CDCA8: variants seen among roughly 807,000 people sequenced by gnomAD.
The protein encoded by CDCA8 is borealin.
A neutral mutation model predicts 40.0 loss-of-function variants in CDCA8; 25 were observed. That is an observed-to-expected ratio of 0.63 (90% confidence interval 0.46 to 0.87). The LOEUF (loss-of-function observed/expected upper bound fraction) is 0.87, where lower values mean the gene tolerates loss of function less well. CDCA8 is among the 40% of genes least tolerant of loss of function. CDCA8 has a pLI of 0.00. For missense variants in CDCA8, 280 were observed against 348.4 expected, an observed-to-expected ratio of 0.80 and a Z score of 1.56; for synonymous variants, 111 against 126.5, an observed-to-expected ratio of 0.88 and a Z score of 0.82.
In CDCA8 at chr1:37,696,600, A is replaced by C. The variant is rs1207255482; in HGVS notation, c.264+650A>C. Among the ~76,000 whole-genome samples the C allele has an allele frequency of 6.6e-6, 1 of 152,248 alleles. No homozygotes were observed. On this transcript the variant is annotated intron_variant, in intron 3 of 9. Transcript: ENST00000373055. The surrounding 1 kb of genome is among the most constrained non-coding windows in gnomAD (Gnocchi z 5.0). ...ATAGAACATTGCTACTCTTGCAGAAAGTTTTATGAGACAGCATTGGGAACT... is the reference window on the plus strand; with the variant it reads ...ATAGAACATTGCTACTCTTGCAGAACGTTTTATGAGACAGCATTGGGAACT...
At position 37,692,784 on chromosome 1, in the gene CDCA8, G is replaced by T. The variant is rs532039712; in HGVS notation, c.94G>T (p.Val32Leu). Reference sequence around the variant, plus strand: ...CTTTCTGAAAGACTTCGACCGTGAAGGTAAGGGGCCAGGCCGTCGCGGCCT... The same window carrying T: ...CTTTCTGAAAGACTTCGACCGTGAATGTAAGGGGCCAGGCCGTCGCGGCCT... ...ASFLKDFDREVEIRIKQIESD... is the reference protein window; with the variant it reads ...ASFLKDFDRELEIRIKQIESD... The change falls in exon 1 of 10, where the codon GTG (valine) becomes TTG (leucine). Residue 32 changes from valine (V) to leucine (L), a missense_variant and splice_region_variant. Transcript: ENST00000373055. 6.2e-7 allele frequency: 1 copy of T among 1,613,570 alleles called. No homozygotes were observed. The highest frequency in any genetic ancestry group is 2.2e-5 in the East Asian group (1 of 44,864).
chr1:37,707,928 C>A (rs922948641), intron 9 of CDCA8, among the ~76,000 whole-genome samples: 15 of 152,324 alleles, frequency 9.8e-5, no homozygotes, highest in Admixed American at 9.8e-4. Context: ...GTGGATGAAG[C>A]ACTTAGTGTA....
intron 6 of CDCA8, among the ~76,000 whole-genome samples, chr1:37,702,875 C>A (rs947452523): frequency 1.3e-5 from 2 of 151,700 alleles, no homozygotes; most frequent in African/African-American, 4.8e-5. Flanking sequence ...TCGCTTGAAC[C>A]CAGGAGGTGG....
Position 37,709,315 on chromosome 1 carries a change from T to C in CDCA8, c.*949T>C, listed in dbSNP as rs7822. On this transcript the variant is annotated 3_prime_UTR_variant, in exon 10 of 10. Transcript: ENST00000373055. ...CTTATGGGGTTCATGGGAACAGGGGTGGGTGTGACTTGCTTGGTGGCCTCA... is the reference window on the plus strand; with the variant it reads ...CTTATGGGGTTCATGGGAACAGGGGCGGGTGTGACTTGCTTGGTGGCCTCA... 126,131 of 152,242 alleles carry C rather than the reference T, an allele frequency of 0.83. 52,829 individuals are homozygous for C. Among genetic ancestry groups the C allele is most frequent in the East Asian group, 0.96 (4,967 of 5,168 alleles). 9.4% of individuals were successfully genotyped at this position (152,242 alleles called of 1,614,324 possible).
chr1:37,705,319 G>T, intron 7 of CDCA8, 122 bp from the exon 8 acceptor site: 3 of 775,748 alleles, frequency 3.9e-6, no homozygotes, highest in South Asian at 2.1e-5. Flanking sequence ...TTTAGAACGT[G>T]CTTTCTTAGG....
At chr1:37,706,549 T>C (rs1569582849) in intron 8 of CDCA8, among the ~76,000 whole-genome samples, 1 of 152,016 alleles carries the variant, frequency 6.6e-6, no homozygotes, top group South Asian at 2.1e-4. Context: ...ATAATAGAGA[T>C]GTTAAAGGGT....
intron 7 of CDCA8, 121 bp from the exon 8 acceptor site, chr1:37,705,320 C>T: frequency 5.0e-6 from 4 of 805,228 alleles, no homozygotes; most frequent in Non-Finnish European, 7.9e-6. Flanking sequence ...TTAGAACGTG[C>T]TTTCTTAGGA....
In CDCA8 at chr1:37,692,615, C is replaced by A. The variant is rs1204307823; in HGVS notation, c.-76C>A. On this transcript the variant is annotated 5_prime_UTR_variant, in exon 1 of 10. Coordinates refer to ENST00000373055, the MANE Select transcript of CDCA8 (RefSeq NM_001256875.2). Reference sequence around the variant, plus strand: ...GCGACTTCTTCGGGTGGTCCCCGTCCGCCCTCCTCGTCCCTACCCAGTTTC... The same window carrying A: ...GCGACTTCTTCGGGTGGTCCCCGTCAGCCCTCCTCGTCCCTACCCAGTTTC... 8.3e-7 allele frequency: 1 copy of A among 1,197,680 alleles called. No homozygotes were observed. The highest frequency in any genetic ancestry group is 1.2e-6 in the Non-Finnish European group (1 of 822,160). The allele number at this position is 1,197,680 out of a possible 1,614,324, so 74.2% of individuals were successfully genotyped here. A position where few individuals can be genotyped will look rare whatever the true frequency, so the allele number is the denominator to read the frequency against.
In CDCA8 at chr1:37,708,360, C is replaced by T; in HGVS notation, c.837C>T (p.His279=). Reference sequence around the variant, plus strand: ...AAATCTGCAGCAGCATACGGACCCACAAATGAGACACCAAAGTTGACAGGA... The same window carrying T: ...AAATCTGCAGCAGCATACGGACCCATAAATGAGACACCAAAGTTGACAGGA... The part of the protein sequence containing the change: ...LAQICSSIRT[H]K Residue 279 remains histidine (H), a synonymous_variant, in exon 10 of 10, where the codon CAC becomes CAT. Coordinates refer to ENST00000373055, the MANE Select transcript of CDCA8 (RefSeq NM_001256875.2). 6.2e-7 allele frequency: 1 copy of T among 1,614,112 alleles called. No individual in the cohort carries two copies. The highest frequency in any genetic ancestry group is 2.2e-5 in the East Asian group (1 of 44,870).
chr1:37,698,957 C>T lies in CDCA8; in HGVS notation c.317C>T (p.Thr106Ile). The T allele has an allele frequency of 1.9e-6, 3 of 1,613,166 alleles. No individual in the cohort carries two copies. The highest frequency in any genetic ancestry group is 2.5e-6 in the Non-Finnish European group (3 of 1,179,102). The change falls in exon 4 of 10, where the codon ACA (threonine) becomes ATA (isoleucine). Residue 106 changes from threonine (T) to isoleucine (I), a missense_variant. Transcript: ENST00000373055. ...INKLTAEAIQ[T>I]PLKSAKTRKV... ...AAACTAACAGCAGAAGCTATTCAGA[C>T]ACCCCTGAAATCTGCCAAAAGTGAG...
Position 37,708,274 on chromosome 1 carries a change from C to A in CDCA8, c.799-48C>A, listed in dbSNP as rs199881862. 36 of 1,588,052 alleles carry A rather than the reference C, an allele frequency of 2.3e-5. No homozygotes were observed. The East Asian group carries it at 7.4e-4, about 33-fold the overall frequency. ...TGACTGTGGGAGGCCAAGGGGCAAG[C>A]CTGCCAAGTGACATCTTCTACAATG... On this transcript the variant is annotated intron_variant, in intron 9 of 9. Transcript: ENST00000373055.
chr1:37,697,190 G>A (rs1645532600), intron 3 of CDCA8, among the ~76,000 whole-genome samples: 1 of 152,122 alleles, frequency 6.6e-6, no homozygotes, highest in Non-Finnish European at 1.5e-5. Flanking sequence ...AAGTGTGTTG[G>A]GGCTCCCAAG....
intron 2 of CDCA8, among the ~76,000 whole-genome samples, chr1:37,694,375 A>G (rs2148285463): frequency 1.3e-5 from 2 of 152,338 alleles, no homozygotes; most frequent in Middle Eastern, 6.8e-3. Context: ...TTATTTATTA[A>G]GCCATTCATT....
At position 37,698,918 on chromosome 1, in the gene CDCA8, T is replaced by A; in HGVS notation, c.278T>A (p.Ile93Asn). Residue 93 changes from isoleucine to asparagine, a missense_variant, in exon 4 of 10, where the codon ATC (isoleucine) becomes AAC (asparagine). Physicochemically the swap from Ile to Asn is moderately radical, Grantham distance 149 (BLOSUM62 -3). Coordinates refer to ENST00000373055, the MANE Select transcript of CDCA8 (RefSeq NM_001256875.2). ...LEEAATADLD[I>N]TEINKLTAEA... is the part of the protein sequence containing the mutation. ...TGTTTGTCATAGGCTGACCTGGATATCACCGAAATAAACAAACTAACAGCA... is the reference window on the plus strand; with the variant it reads ...TGTTTGTCATAGGCTGACCTGGATAACACCGAAATAAACAAACTAACAGCA... 1 of 1,613,404 alleles carries A rather than the reference T, an allele frequency of 6.2e-7. No homozygotes were observed. Among genetic ancestry groups the A allele is most frequent in the Non-Finnish European group, 8.5e-7 (1 of 1,179,300 alleles).
chr1:37,703,270 T>C lies in CDCA8; in HGVS notation c.507T>C (p.Thr169=). ...CCTGTAGGTCAAGCCGTGCTAACAC[T>C]GTTACCCCAGCCGTGGGCCGATTGG... ...GKGKRSSRAN[T]VTPAVGRLEV... Residue 169 remains threonine, a synonymous_variant, in exon 7 of 10, where the codon ACT becomes ACC. Coordinates refer to ENST00000373055, the MANE Select transcript of CDCA8 (RefSeq NM_001256875.2). 6.2e-7 allele frequency: 1 copy of C among 1,613,746 alleles called. No individual in the cohort carries two copies. The highest frequency in any genetic ancestry group is 2.2e-5 in the East Asian group (1 of 44,872).
intron 4 of CDCA8, 69 bp downstream of exon 4, chr1:37,699,046 A>G: frequency 9.7e-7 from 1 of 1,028,264 alleles, no homozygotes; most frequent in South Asian, 1.3e-5. Flanking sequence ...TTGGCTGCTC[A>G]GGCAGCGCCT....
In CDCA8 at chr1:37,708,711, G is replaced by A. The variant is rs935181282; in HGVS notation, c.*345G>A. 6.1e-6 allele frequency: 2 copies of A among 328,524 alleles called. No homozygotes were observed. The highest frequency in any genetic ancestry group is 1.2e-5 in the Non-Finnish European group (2 of 170,944). The allele number at this position is 328,524 out of a possible 1,614,324, so 20.4% of individuals were successfully genotyped here. On this transcript the variant is annotated 3_prime_UTR_variant, in exon 10 of 10. Transcript: ENST00000373055. ...CCCTGCCTGCAGTTGAGGGGGCGAA[G>A]AAGAACCCTGTGTTCTCAGGAAGAC...
In CDCA8 at chr1:37,709,207, A is replaced by G; in HGVS notation, c.*841A>G. 6.6e-6 allele frequency: 1 copy of G among 152,194 alleles called. No individual in the cohort carries two copies. The highest frequency in any genetic ancestry group is 1.9e-4 in the East Asian group (1 of 5,194). 9.4% of individuals were successfully genotyped at this position (152,194 alleles called of 1,614,324 possible). ...GCCCAGATTCTGGAGGTTTTATGTC[A>G]TTGGCCACAGAATAACTGTCTCTAA... On this transcript the variant is annotated 3_prime_UTR_variant, in exon 10 of 10. Coordinates refer to ENST00000373055, the MANE Select transcript of CDCA8 (RefSeq NM_001256875.2).
chr1:37,695,373 A>AAG, intron 2 of CDCA8, among the ~76,000 whole-genome samples: 1 of 143,842 alleles, frequency 7.0e-6, no homozygotes, highest in Non-Finnish European at 1.5e-5. Context: ...CTACTTAAAA[A>AAG]AAAAAAAAAA....
Sources: allele counts gnomAD v4.1 joint callset (sites outside exome capture counted in the v4.1 genomes callset), GRCh38; gene constraint gnomAD v4.1.1; non-coding constraint Gnocchi (gnomAD v3.1); transcripts MANE v1.5; gene names NCBI Gene and HGNC (gene_info 2026-07-23, HGNC 2026-07-21).